NFX1: variants seen among roughly 807,000 people sequenced by gnomAD.
The protein encoded by NFX1 is nuclear transcription factor, X-box binding 1.
A neutral mutation model predicts 137.2 loss-of-function variants in NFX1; 69 were observed. That is an observed-to-expected ratio of 0.50 (90% CI 0.41 to 0.61). The LOEUF (loss-of-function observed/expected upper bound fraction) is 0.61. NFX1 is among the 20% of genes least tolerant of loss of function. NFX1 has a pLI of 0.00. For synonymous variants in NFX1, 495 were observed against 474.1 expected (o/e 1.04, Z -0.57); for missense variants, 1,167 against 1,391.0 (o/e 0.84, Z 2.56).
chr9:33,342,687 T>A, intron 12 of NFX1, 59 bp from the exon 13 acceptor site: 1 of 1,169,092 alleles, frequency 8.6e-7, no homozygotes, highest in Non-Finnish European at 1.2e-6. Context: ...CTTGTTGTTA[T>A]TTATGGAAAA....
At chr9:33,367,956 G>A (rs1289162728) in intron 23 of NFX1, among the ~76,000 whole-genome samples, 6 of 152,110 alleles carry the variant, frequency 3.9e-5, no homozygotes, top group Admixed American at 1.3e-4. Context: ...ACTCTGGGCC[G>A]GGCGCGGTGG....
intron 14 of NFX1, among the ~76,000 whole-genome samples, chr9:33,345,874 G>A (rs138495653): frequency 7.2e-5 from 11 of 152,242 alleles, no homozygotes; most frequent in South Asian, 4.1e-4. Context: ...CTCAATTTCC[G>A]TATCTGTCAA....
At position 33,301,375 on chromosome 9, in the gene NFX1, T is replaced by C; in HGVS notation, c.1146T>C (p.His382=). Residue 382 remains histidine, a synonymous_variant, in exon 3 of 24, where the codon CAT becomes CAC. Transcript: ENST00000379540. The stretch of plus-strand genomic sequence containing the variant: ...GTCAGAGCTGTTACCATGTGTTTCA[T>C]TTGAACTGCATAAAGAAATGGGCAA... ...WSCQSCYHVF[H]LNCIKKWARS... The C allele has an allele frequency of 6.2e-7, 1 of 1,614,202 alleles. No homozygotes were observed. Among genetic ancestry groups the C allele is most frequent in the East Asian group, 2.2e-5 (1 of 44,886 alleles).
At position 33,317,792 on chromosome 9, in the gene NFX1, G is replaced by A. The variant is rs147463103; in HGVS notation, c.1589-939G>A. Among the ~76,000 whole-genome samples the A allele has an allele frequency of 4.0e-3, 612 of 151,748 alleles. 3 individuals carry two copies. Among genetic ancestry groups the A allele is most frequent in the Non-Finnish European group, 7.0e-3 (477 of 67,922 alleles). On this transcript the variant is annotated intron_variant, in intron 7 of 23. Transcript: ENST00000379540. ...GGAGTTCAAGACCAGCCTGGCCAAC[G>A]TGGTGAAACTCCATCTCTCCTAAAA... is the stretch of plus-strand genomic sequence containing the variant.
rs367916272 is a variant in NFX1, at chr9:33,307,325, G to C, written c.1376+26G>C. ...GTAAGTTGGAATGCTAATTCCGTTG[G>C]GATTGCTGGTGGACATGCTTTGCTG... On this transcript the variant is annotated intron_variant, in intron 5 of 23. Transcript: ENST00000379540. 17 of 1,585,158 alleles carry C rather than the reference G, an allele frequency of 1.1e-5. No homozygotes were observed. The Admixed American group carries it at 2.3e-4, about 22-fold the overall frequency.
intron 13 of NFX1, 70 bp from the exon 14 acceptor site, chr9:33,343,999 G>T: frequency 1.9e-6 from 3 of 1,593,320 alleles, no homozygotes; most frequent in African/African-American, 2.7e-5. Flanking sequence ...GTGTGTTTGT[G>T]TGTGTTAGTA....
rs1336857424 is a variant in NFX1, at chr9:33,354,277, A to G, written c.2831+90A>G. ...TTATTCATTTATCTCAATCCTTCAT[A>G]GTAGAGCCTTGCATACACAATAAGT... On this transcript the variant is annotated intron_variant, in intron 18 of 23. Coordinates refer to ENST00000379540, the MANE Select transcript of NFX1 (RefSeq NM_002504.6). 6 of 1,043,016 alleles carry G rather than the reference A, an allele frequency of 5.8e-6. No individual in the cohort carries two copies. In the East Asian group the frequency reaches 1.5e-4, roughly 26 times the overall value. 64.6% of individuals were successfully genotyped at this position (1,043,016 alleles called of 1,614,324 possible). A position where few individuals can be genotyped will look rare whatever the true frequency, so the allele number is the denominator to read the frequency against.
intron 2 of NFX1, among the ~76,000 whole-genome samples, chr9:33,296,226 A>G (rs950498607): frequency 6.6e-6 from 1 of 152,160 alleles, no homozygotes; most frequent in Non-Finnish European, 1.5e-5. Flanking sequence ...CCCTGCCTAA[A>G]ACACACATTA....
rs1295512473 is a variant in NFX1 at position 33,352,646 on chromosome 9, G to T, written c.2656G>T (p.Val886Leu). ...TCGTTCCATGTTCATCTGACTTCAGGTAGAGCTACAGTGTGAATGTGGACG... is the reference window on the plus strand; with the variant it reads ...TCGTTCCATGTTCATCTGACTTCAGTTAGAGCTACAGTGTGAATGTGGACG... ...PCPVTACKAK[V>L]ELQCECGRRK... Residue 886 changes from valine (V) to leucine (L), a missense_variant and splice_region_variant, in exon 17 of 24, where the codon GTA becomes TTA. Transcript: ENST00000379540. The T allele has an allele frequency of 1.9e-6, 3 of 1,613,954 alleles. No individual in the cohort carries two copies. Among genetic ancestry groups the T allele is most frequent in the East Asian group, 2.2e-5 (1 of 44,900 alleles).
Position 33,366,522 on chromosome 9 carries a change from A to C in NFX1, c.3040-107A>C, listed in dbSNP as rs1824173988. 6 of 1,395,342 alleles carry C rather than the reference A, an allele frequency of 4.3e-6. No homozygotes were observed. The African/African-American group carries it at 5.7e-5, about 13-fold the overall frequency. The allele number at this position is 1,395,342 out of a possible 1,614,324, so 86.4% of individuals were successfully genotyped here. ...AAAATGCTCTATGCTGTGGGCCTCT[A>C]AAATCACCTCTTATTGATCCCTGCA... On this transcript the variant is annotated intron_variant, in intron 21 of 23. Coordinates refer to ENST00000379540, the MANE Select transcript of NFX1 (RefSeq NM_002504.6).
intron 9 of NFX1, among the ~76,000 whole-genome samples, chr9:33,326,437 A>T (rs1038918279): frequency 7.4e-5 from 11 of 148,340 alleles, no homozygotes; most frequent in Admixed American, 7.4e-4. Context: ...AAAAAAAAAA[A>T]GCTGGGCACT....
At chr9:33,308,704 A>G (rs1013925312) in intron 5 of NFX1, among the ~76,000 whole-genome samples, 4 of 152,228 alleles carry the variant, frequency 2.6e-5, no homozygotes, top group African/African-American at 9.6e-5. Context: ...AAATTAAATG[A>G]ATTAGTGCAT....
intron 23 of NFX1, among the ~76,000 whole-genome samples, chr9:33,369,238 T>G (rs963043608): frequency 2.0e-5 from 3 of 152,088 alleles, no homozygotes. Context: ...GCTAATTTTT[T>G]GTATTTTTAG....
chr9:33,309,433 T>G (rs1365824540), intron 5 of NFX1, among the ~76,000 whole-genome samples: 2 of 152,134 alleles, frequency 1.3e-5, no homozygotes, highest in East Asian at 1.9e-4. Context: ...AGATTAAAAC[T>G]GTTGCAGATC....
At chr9:33,303,546 G>C (rs911746876) in intron 4 of NFX1, among the ~76,000 whole-genome samples, 5 of 152,226 alleles carry the variant, frequency 3.3e-5, no homozygotes, top group African/African-American at 9.6e-5. Context: ...ATGTAGCAGA[G>C]ATAGGTGTGG....
chr9:33,293,762 T>G (rs903529047), intron 1 of NFX1, among the ~76,000 whole-genome samples: 1 of 152,202 alleles, frequency 6.6e-6, no homozygotes, highest in African/African-American at 2.4e-5. Context: ...TTTTCCACTT[T>G]GGGATTGTAG....
intron 22 of NFX1, 75 bp downstream of exon 22, chr9:33,366,849 A>G: frequency 6.6e-7 from 1 of 1,514,180 alleles, no homozygotes; most frequent in Non-Finnish European, 8.9e-7. Context: ...GTCTGTCAAT[A>G]CTTGTCTTTC....
chr9:33,352,965 G>C (rs115594798), intron 17 of NFX1: 1 of 388,306 alleles, frequency 2.6e-6, no homozygotes, highest in Non-Finnish European at 4.7e-6. Flanking sequence ...GAGGGGTCTC[G>C]CCCTGTTTCC....
chr9:33,358,508 CAAA>C lies in NFX1; in HGVS notation c.2873+3623_2873+3625del, dbSNP rs369579784. 8.3e-4 allele frequency among the ~76,000 whole-genome samples: 123 copies of C among 148,996 alleles called. 2 individuals are homozygous for C. Among genetic ancestry groups the C allele is most frequent in the African/African-American group, 2.7e-3 (110 of 40,616 alleles). ...TTGTTTTTGACCAGGTTGACATCCT[CAAA>C]AAAAAATGCAAATTACAAGGACTTC... On this transcript the variant is annotated intron_variant, in intron 19 of 23. Transcript: ENST00000379540.
Sources: allele counts gnomAD v4.1 joint callset (sites outside exome capture counted in the v4.1 genomes callset), GRCh38; gene constraint gnomAD v4.1.1; transcripts MANE v1.5; gene names NCBI Gene and HGNC (gene_info 2026-07-23, HGNC 2026-07-21).